The following PAM variants were observed in gnomAD, a reference collection of about 807,000 sequenced individuals.
PAM encodes peptidyl-glycine alpha-amidating monooxygenase.
PAM carries 72 observed loss-of-function variants against 122.1 expected under a neutral mutation model. The observed-to-expected ratio is 0.59, with a 90% CI of 0.49 to 0.72. The LOEUF is 0.72. Among genes scored for constraint, PAM ranks in the 30% least tolerant of loss-of-function variants. PAM has a pLI of 0.00. For missense variants in PAM, 1,106 were observed against 1,183.7 expected (o/e 0.93, Z 0.96); for synonymous variants, 389 against 404.4 (o/e 0.96, Z 0.46).
chr5:102,840,660 C>T (rs780999525), intron 1 of PAM, among the ~76,000 whole-genome samples: 20 of 152,130 alleles, frequency 1.3e-4, no homozygotes, highest in Admixed American at 3.3e-4. Flanking sequence ...CATATATTTA[C>T]GGGACCTAGC....
At chr5:102,889,439 G>C (rs1367115147) in intron 3 of PAM, among the ~76,000 whole-genome samples, 1 of 151,722 alleles carries the variant, frequency 6.6e-6, no homozygotes, top group Non-Finnish European at 1.5e-5. Flanking sequence ...GTTTTTGGGT[G>C]GTACAGTTTG....
intron 1 of PAM, among the ~76,000 whole-genome samples, chr5:102,813,161 G>A (rs1287789631): frequency 6.6e-6 from 1 of 151,796 alleles, no homozygotes; most frequent in Non-Finnish European, 1.5e-5. Context: ...TGACTCAGTT[G>A]CTTTACTAAT....
In PAM at chr5:102,888,496, C is replaced by T. The variant is rs76288297; in HGVS notation, c.211-12860C>T. On this transcript the variant is annotated intron_variant, in intron 3 of 25. Transcript: ENST00000438793. Reference sequence around the variant, plus strand: ...AAAATTCTCAAATCAAATCTAAATTCTCCTTATCTCCCAAGGCCTTTTATT... The same window carrying T: ...AAAATTCTCAAATCAAATCTAAATTTTCCTTATCTCCCAAGGCCTTTTATT... Among the ~76,000 whole-genome samples, 536 of 151,992 alleles carry T rather than the reference C, an allele frequency of 3.5e-3. 9 individuals carry two copies. In the East Asian group the frequency reaches 0.037, roughly 11 times the overall value.
chr5:102,924,853 T>C, intron 5 of PAM, 104 bp from the exon 6 acceptor site: 1 of 695,600 alleles, frequency 1.4e-6, no homozygotes, highest in Non-Finnish European at 2.7e-6. Context: ...TATATTGATG[T>C]ACTTTGGTTT....
At chr5:102,915,105 T>G (rs561953244) in intron 5 of PAM, among the ~76,000 whole-genome samples, 1 of 152,222 alleles carries the variant, frequency 6.6e-6, no homozygotes, top group African/African-American at 2.4e-5. Flanking sequence ...TTAAGCTTCT[T>G]ATTTTCACGT....
chr5:102,803,585 A>G (rs1765458496), intron 1 of PAM, among the ~76,000 whole-genome samples: 1 of 152,172 alleles, frequency 6.6e-6, no homozygotes, highest in African/African-American at 2.4e-5. Context: ...CATGTGACAC[A>G]GGAGGAACCA....
intron 1 of PAM, among the ~76,000 whole-genome samples, chr5:102,824,164 C>A (rs1261699634): frequency 6.6e-6 from 1 of 152,082 alleles, no homozygotes; most frequent in Non-Finnish European, 1.5e-5. Flanking sequence ...GGAAGAAGAG[C>A]TATTGCAAGA....
intron 12 of PAM, among the ~76,000 whole-genome samples, chr5:102,954,519 C>G (rs1281453934): frequency 1.3e-5 from 2 of 150,576 alleles, no homozygotes; most frequent in African/African-American, 2.4e-5. Context: ...AATGTTTTAC[C>G]CATATATTAT....
chr5:102,785,694 G>A (rs190096433), intron 1 of PAM, among the ~76,000 whole-genome samples: 2 of 152,278 alleles, frequency 1.3e-5, no homozygotes, highest in East Asian at 3.9e-4. Context: ...AGGCAGAAAT[G>A]TGTTTAGAAA....
intron 18 of PAM, among the ~76,000 whole-genome samples, chr5:103,006,045 C>G (rs374751672): frequency 3.9e-4 from 59 of 152,192 alleles, no homozygotes; most frequent in African/African-American, 1.4e-3. Context: ...GGTGATCCTC[C>G]CACCTTAGCC....
Position 102,949,975 on chromosome 5 carries a change from A to G in PAM, c.798A>G (p.Pro266=), listed in dbSNP as rs367862851. The part of the protein sequence containing the change: ...TLIGRQSPQL[P]QAFYPVGHPV... ...TTGGACGGCAGAGCCCTCAGCTGCC[A>G]CAGGTGGGTAAAATCTAGTTTAATT... is the stretch of plus-strand genomic sequence containing the variant. Residue 266 remains proline, a synonymous_variant, in exon 11 of 26, where the codon CCA becomes CCG. Coordinates refer to ENST00000438793, the MANE Select transcript of PAM (RefSeq NM_001177306.2). The G allele has an allele frequency of 8.5e-6, 13 of 1,529,632 alleles. No homozygotes were observed. In the African/African-American group the frequency reaches 1.6e-4, roughly 19 times the overall value. The allele number at this position is 1,529,632 out of a possible 1,614,324, so 94.8% of individuals were successfully genotyped here.
chr5:103,025,295 G>A lies in PAM; in HGVS notation c.2650G>A (p.Ala884Thr), dbSNP rs766628985. ...TCCGGTGGTTGTCCTGCTGGCCATTGCCATATTTATTCGGTGGAAAAAATC... is the reference window on the plus strand; with the variant it reads ...TCCGGTGGTTGTCCTGCTGGCCATTACCATATTTATTCGGTGGAAAAAATC... ...VIPVVVLLAIAIFIRWKKSRA... is the reference protein window; with the variant it reads ...VIPVVVLLAITIFIRWKKSRA... The change falls in exon 24 of 26, where the codon GCC becomes ACC. Residue 884 changes from alanine (A) to threonine (T), a missense_variant. This residue lies in a region of PAM where 333 missense variants were observed against 335.6 expected (regional missense o/e 0.99). Transcript: ENST00000438793. The A allele has an allele frequency of 1.9e-6, 3 of 1,613,716 alleles. No homozygotes were observed. The South Asian group carries it at 3.3e-5, about 18-fold the overall frequency.
At chr5:102,769,696 G>T (rs1398587287) in intron 1 of PAM, among the ~76,000 whole-genome samples, 4 of 151,980 alleles carry the variant, frequency 2.6e-5, no homozygotes, top group African/African-American at 9.7e-5. Flanking sequence ...TCTCTGTTCT[G>T]TTCCCTCTGT....
chr5:102,931,807 A>T (rs796077564), intron 7 of PAM, among the ~76,000 whole-genome samples: 2,363 of 141,322 alleles, frequency 0.017, 24 homozygotes, highest in African/African-American at 0.027. Context: ...CAAACAACAC[A>T]CTCTCTCTCT....
chr5:102,952,419 A>G (rs1335782642), intron 12 of PAM, among the ~76,000 whole-genome samples: 1 of 152,100 alleles, frequency 6.6e-6, no homozygotes, highest in Admixed American at 6.6e-5. Context: ...AATACCCTAA[A>G]ATGACTACAC....
intron 7 of PAM, among the ~76,000 whole-genome samples, chr5:102,935,836 G>A (rs758994184): frequency 2.6e-5 from 4 of 152,084 alleles, no homozygotes; most frequent in Non-Finnish European, 5.9e-5. Flanking sequence ...TCAGAGGACC[G>A]TCTGCACCAG....
At chr5:102,818,846 T>A (rs1381021831) in intron 1 of PAM, among the ~76,000 whole-genome samples, 1 of 152,216 alleles carries the variant, frequency 6.6e-6, no homozygotes, top group African/African-American at 2.4e-5. Flanking sequence ...TGATAAATGC[T>A]TCTTGAATGA....
intron 1 of PAM, among the ~76,000 whole-genome samples, chr5:102,765,697 G>T (rs1753711024): frequency 6.6e-6 from 1 of 152,198 alleles, no homozygotes; most frequent in South Asian, 2.1e-4. Flanking sequence ...GGCAGGGTTG[G>T]TTCTTTCAGA....
At chr5:102,958,132 G>C (rs1333500963) in intron 12 of PAM, among the ~76,000 whole-genome samples, 2 of 152,160 alleles carry the variant, frequency 1.3e-5, no homozygotes, top group Non-Finnish European at 2.9e-5. Flanking sequence ...GCTGTTGTGG[G>C]TGGGTATACC....
Sources: gnomAD v4.1 joint callset for allele counts (sites outside exome capture counted in the v4.1 genomes callset) on GRCh38, gnomAD v4.1.1 for gene constraint, gnomAD v4.1.1 regional missense constraint, MANE v1.5 for transcripts, NCBI Gene and HGNC (gene_info 2026-07-23, HGNC 2026-07-21) for gene names.